Variants in GLT8D2 observed in about 807,000 individuals in gnomAD.
GLT8D2 encodes glycosyltransferase 8 domain-containing protein 2.
GLT8D2 carries 45 observed loss-of-function variants against 44.5 expected under a neutral mutation model. The observed-to-expected ratio is 1.01, with a 90% CI of 0.80 to 1.30. GLT8D2 has a LOEUF of 1.30. Among genes scored for constraint, GLT8D2 ranks in the 50% most tolerant of loss-of-function variants. The pLI, the probability that GLT8D2 is intolerant of heterozygous loss-of-function variation, is 0.00. For synonymous variants in GLT8D2, 156 were observed against 157.2 expected (o/e 0.99, Z 0.06); for missense variants, 400 against 430.4 (o/e 0.93, Z 0.62).
At chr12:104,055,122 G>A (rs114981865), upstream of GLT8D2, among the ~76,000 whole-genome samples, 1,836 of 152,294 alleles carry the variant, frequency 0.012, 43 homozygotes, top group African/African-American at 0.041. Flanking sequence ...GATATGGAGA[G>A]GGTGGCCAGC....
At position 104,029,698 on chromosome 12, in the gene GLT8D2, C is replaced by CA. The variant is rs1879020126; in HGVS notation, c.-163-8208dup. The CA allele has an allele frequency of 6.6e-5, 10 of 152,172 alleles. 1 individual carries two copies. The South Asian group carries it at 2.1e-3, about 31-fold the overall frequency. 9.4% of individuals were successfully genotyped at this position (152,172 alleles called of 1,614,324 possible). ...ATTTACATGCATTAAGTACTTACAA[C>CA]AGTACTTGGCAAACAGTTGGAACCC... On this transcript the variant is annotated intron_variant, in intron 1 of 10. Coordinates refer to ENST00000360814, the MANE Select transcript of GLT8D2 (RefSeq NM_001384711.1).
chr12:104,063,156 T>C (rs947680345), intron 1 of GLT8D2, among the ~76,000 whole-genome samples: 1 of 152,152 alleles, frequency 6.6e-6, no homozygotes, highest in Non-Finnish European at 1.5e-5. Flanking sequence ...CGGTCCCTAG[T>C]GCCAAAAAGG....
At chr12:104,033,832 A>T (rs1258822612) in intron 1 of GLT8D2, among the ~76,000 whole-genome samples, 1 of 149,016 alleles carries the variant, frequency 6.7e-6, no homozygotes, top group African/African-American at 2.5e-5. Context: ...ATATGTATAT[A>T]TTTTTTTTCA....
At chr12:104,005,651 A>G (rs1242476842) in intron 4 of GLT8D2, among the ~76,000 whole-genome samples, 3 of 152,250 alleles carry the variant, frequency 2.0e-5, no homozygotes, top group Non-Finnish European at 4.4e-5. Flanking sequence ...ATCACTGGCC[A>G]TCAGAGAAAT....
At chr12:104,007,265 T>TCTCTCC (rs377119502) in intron 4 of GLT8D2, among the ~76,000 whole-genome samples, 74 of 136,326 alleles carry the variant, frequency 5.4e-4, no homozygotes, top group East Asian at 1.1e-3. Context: ...TCTCTCTCTC[T>TCTCTCC]CCCCCCGCTC....
chr12:103,990,247 C>T (rs1247427760), intron 10 of GLT8D2, among the ~76,000 whole-genome samples: 1 of 151,436 alleles, frequency 6.6e-6, no homozygotes, highest in Non-Finnish European at 1.5e-5. Flanking sequence ...TCCCTCCCAC[C>T]CAAGAGTTTA....
At chr12:104,018,097 G>A (rs944947633) in intron 3 of GLT8D2, among the ~76,000 whole-genome samples, 1 of 151,946 alleles carries the variant, frequency 6.6e-6, no homozygotes, top group South Asian at 2.1e-4. Flanking sequence ...AGCCTCCGAA[G>A]TAGCTGGGAC....
chr12:104,020,556 G>T (rs1349352507), intron 2 of GLT8D2, among the ~76,000 whole-genome samples: 4 of 152,192 alleles, frequency 2.6e-5, no homozygotes, highest in Non-Finnish European at 4.4e-5. Flanking sequence ...TTGGTCCAGT[G>T]GGGGAAACAG....
chr12:104,026,107 C>T (rs974119844), intron 1 of GLT8D2, among the ~76,000 whole-genome samples: 1 of 151,696 alleles, frequency 6.6e-6, no homozygotes, highest in African/African-American at 2.4e-5. Context: ...GGTGAAACCC[C>T]ATCTCTACTA....
chr12:104,049,090 C>G (rs1054151629), intron 1 of GLT8D2, among the ~76,000 whole-genome samples: 1 of 152,072 alleles, frequency 6.6e-6, no homozygotes, highest in Non-Finnish European at 1.5e-5. Flanking sequence ...AGAAGTGCCA[C>G]ACCAGAACAT....
chr12:103,992,864 C>T (rs538217897), intron 10 of GLT8D2, among the ~76,000 whole-genome samples: 1 of 152,286 alleles, frequency 6.6e-6, no homozygotes, highest in South Asian at 2.1e-4. Context: ...GATGGCTTTC[C>T]ATAAATCTCC....
At position 103,996,749 on chromosome 12, in the gene GLT8D2, G is replaced by A. The variant is rs1259691809; in HGVS notation, c.586C>T (p.Leu196Phe). 1.2e-6 allele frequency: 2 copies of A among 1,612,836 alleles called. No homozygotes were observed. Among genetic ancestry groups the A allele is most frequent in the Non-Finnish European group, 1.7e-6 (2 of 1,179,174 alleles). The change falls in exon 8 of 11, where the codon CTC becomes TTC. Residue 196 changes from leucine (L) to phenylalanine (F), a missense_variant. Coordinates refer to ENST00000360814, the MANE Select transcript of GLT8D2 (RefSeq NM_001384711.1). ...CATATGCCCACCTGAAGTCCCACGA[G>A]TCTGTTTATGTCCTGAGCAGAGGGC... Reference protein sequence around the residue: ...DLPSAQDINRLVGLQNTYMGY... With the variant: ...DLPSAQDINRFVGLQNTYMGY...
rs1566202607 is a variant in GLT8D2 at position 104,021,968 on chromosome 12, AGAGGAAGAG to A, written c.-163-486_-163-478del. Reference sequence around the variant, plus strand: ...AAGAAGAAGAAGAGGAAGAAGAGGAAGAGGAAGAGGAAGAGGAAGAAGAAGAAGAAGAAG... The same window carrying A: ...AAGAAGAAGAAGAGGAAGAAGAGGAAGAAGAGGAAGAAGAAGAAGAAGAAG... On this transcript the variant is annotated intron_variant, in intron 1 of 10. Coordinates refer to ENST00000360814, the MANE Select transcript of GLT8D2 (RefSeq NM_001384711.1). Among the ~76,000 whole-genome samples, 15 of 65,380 alleles carry A rather than the reference AGAGGAAGAG, an allele frequency of 2.3e-4. 3 individuals carry two copies. The East Asian group carries it at 2.7e-3, about 12-fold the overall frequency. 42.9% of individuals were successfully genotyped at this position (65,380 alleles called of 152,430 possible). A position where few individuals can be genotyped will look rare whatever the true frequency, so the allele number is the denominator to read the frequency against.
intron 1 of GLT8D2, among the ~76,000 whole-genome samples, chr12:104,057,778 CCTGTACTTTA>C (rs1882303860): frequency 6.6e-6 from 1 of 152,156 alleles, no homozygotes; most frequent in Non-Finnish European, 1.5e-5. Context: ...GTGAAGACTG[CCTGTACTTTA>C]CATGTATTAT....
chr12:104,011,695 T>TA (rs1361880422), intron 4 of GLT8D2, among the ~76,000 whole-genome samples: 2 of 152,094 alleles, frequency 1.3e-5, no homozygotes, highest in Non-Finnish European at 2.9e-5. Context: ...TTTCAAATTA[T>TA]AAAAAATAAT....
At position 103,997,480 on chromosome 12, in the gene GLT8D2, A is replaced by G. The variant is rs148617837; in HGVS notation, c.458T>C (p.Ile153Thr). 6.2e-6 allele frequency: 10 copies of G among 1,613,656 alleles called. No homozygotes were observed. The African/African-American group carries it at 1.3e-4, about 22-fold the overall frequency. The change falls in exon 7 of 11, where the codon ATC becomes ACC. Residue 153 changes from isoleucine (I) to threonine (T), a missense_variant. By Grantham distance (89) the Ile-to-Thr change is moderately conservative. Coordinates refer to ENST00000360814, the MANE Select transcript of GLT8D2 (RefSeq NM_001384711.1). ...TACAATTACATCATCGTCCAAATAGATGACTTTCTCGTGTTGGTGGATAAG... is the reference window on the plus strand; with the variant it reads ...TACAATTACATCATCGTCCAAATAGGTGACTTTCTCGTGTTGGTGGATAAG... ...PLLIHQHEKVIYLDDDVIVQG... is the reference protein window; with the variant it reads ...PLLIHQHEKVTYLDDDVIVQG...
At chr12:104,031,563 T>A in intron 1 of GLT8D2, 2 of 1,610,288 alleles carry the variant, frequency 1.2e-6, no homozygotes, top group Non-Finnish European at 1.7e-6. Context: ...GGGAAGATAC[T>A]GTCCCCAGGA....
intron 1 of GLT8D2, among the ~76,000 whole-genome samples, chr12:104,061,391 C>T (rs1330674828): frequency 6.6e-6 from 1 of 152,026 alleles, no homozygotes; most frequent in East Asian, 1.9e-4. Flanking sequence ...TTCCTTTAAC[C>T]TTGTGCTATA....
chr12:104,022,408 C>T lies in GLT8D2; in HGVS notation c.-163-917G>A, dbSNP rs140041573. On this transcript the variant is annotated intron_variant, in intron 1 of 10. Transcript: ENST00000360814. ...TATGCCTGTTTCACATTGTTATACA[C>T]GATTAAAGTAATTAAAATACACACC... is the stretch of plus-strand genomic sequence containing the variant. Among the ~76,000 whole-genome samples the T allele has an allele frequency of 1.0e-3, 152 of 152,174 alleles. No individual in the cohort carries two copies. The East Asian group carries it at 0.017, about 17-fold the overall frequency.
Sources: gnomAD v4.1 joint callset for allele counts (sites outside exome capture counted in the v4.1 genomes callset) on GRCh38, gnomAD v4.1.1 for gene constraint, MANE v1.5 for transcripts, NCBI Gene and HGNC (gene_info 2026-07-23, HGNC 2026-07-21) for gene names.